FHIT: variants seen among roughly 807,000 people sequenced by gnomAD.
FHIT encodes the protein bis(5'-adenosyl)-triphosphatase.
A neutral mutation model predicts 17.9 loss-of-function variants in FHIT; 19 were observed. That is an observed-to-expected ratio of 1.06 (90% CI 0.74 to 1.56). The LOEUF (loss-of-function observed/expected upper bound fraction) is 1.56. Ranked by LOEUF, FHIT falls within the 40% of genes most tolerant of loss-of-function variation. The pLI is 0.00. For missense variants in FHIT, 248 were observed against 189.2 expected (o/e 1.31, Z -1.82); for synonymous variants, 81 against 69.7 (o/e 1.16, Z -0.81).
chr3:61,130,313 C>A (rs1371094), intron 2 of FHIT, among the ~76,000 whole-genome samples: 24,758 of 152,162 alleles, frequency 0.16, 2,668 homozygotes, highest in Middle Eastern at 0.24. Flanking sequence ...TGTTGTGTTA[C>A]TTATGAGTCC....
chr3:61,203,869 C>T (rs780867821), intron 1 of FHIT, among the ~76,000 whole-genome samples: 1 of 152,210 alleles, frequency 6.6e-6, no homozygotes, highest in Non-Finnish European at 1.5e-5. Context: ...GGCCCTTACA[C>T]ATGTACTCAC....
chr3:60,624,161 G>A (rs572440956), intron 4 of FHIT, among the ~76,000 whole-genome samples: 32 of 152,318 alleles, frequency 2.1e-4, no homozygotes, highest in African/African-American at 7.5e-4. Context: ...AGCCAGTGGT[G>A]TGAAGGCAAA....
At chr3:61,173,456 T>G (rs951301584) in intron 2 of FHIT, among the ~76,000 whole-genome samples, 3 of 152,216 alleles carry the variant, frequency 2.0e-5, no homozygotes, top group African/African-American at 7.2e-5. Flanking sequence ...GTATTTATTA[T>G]TGTTAGAATG....
At chr3:60,093,214 C>T (rs1703803114) in intron 5 of FHIT, among the ~76,000 whole-genome samples, 1 of 152,140 alleles carries the variant, frequency 6.6e-6, no homozygotes, top group African/African-American at 2.4e-5. Context: ...GGTCTAAAAT[C>T]AAGTTGTGCG....
At chr3:60,732,244 C>T in intron 4 of FHIT, 1 of 864,824 alleles carries the variant, frequency 1.2e-6, no homozygotes, top group Non-Finnish European at 2.0e-6. Flanking sequence ...CATGCCTTCA[C>T]CATGCCAAAG....
intron 4 of FHIT, among the ~76,000 whole-genome samples, chr3:60,583,726 G>T (rs1553660558): frequency 6.6e-6 from 1 of 152,052 alleles, no homozygotes; most frequent in African/African-American, 2.4e-5. Context: ...TCCTGAATAA[G>T]GTGTCCTGTA....
chr3:60,536,183 A>C (rs1250437380), intron 5 of FHIT: 1 of 152,154 alleles, frequency 6.6e-6, no homozygotes, highest in Non-Finnish European at 1.5e-5. Context: ...TGTTATTCCC[A>C]CTGCAAAAGA....
At chr3:60,416,829 G>C (rs1189590912) in intron 5 of FHIT, among the ~76,000 whole-genome samples, 1 of 152,122 alleles carries the variant, frequency 6.6e-6, no homozygotes, top group Non-Finnish European at 1.5e-5. Flanking sequence ...GCTGATGCCT[G>C]TAATCCCAGC....
chr3:59,838,165 C>T (rs892313866), intron 8 of FHIT, among the ~76,000 whole-genome samples: 32 of 152,214 alleles, frequency 2.1e-4, no homozygotes, highest in Non-Finnish European at 4.4e-4. Flanking sequence ...AGGCCTTCCT[C>T]GCTCCAGGCT....
chr3:60,721,689 T>G (rs1553708107), intron 4 of FHIT, among the ~76,000 whole-genome samples: 2 of 152,190 alleles, frequency 1.3e-5, no homozygotes, highest in Non-Finnish European at 2.9e-5. Flanking sequence ...TACACTGGCA[T>G]AGTCCTCCCC....
At chr3:59,947,038 G>A (rs1372897597) in intron 7 of FHIT, among the ~76,000 whole-genome samples, 1 of 152,176 alleles carries the variant, frequency 6.6e-6, no homozygotes, top group Non-Finnish European at 1.5e-5. Flanking sequence ...GAAGGAGTTA[G>A]GGAGAAGGTC....
At chr3:60,451,317 C>T (rs991903855) in intron 5 of FHIT, among the ~76,000 whole-genome samples, 1 of 152,108 alleles carries the variant, frequency 6.6e-6, no homozygotes. Context: ...CACCTCCAGC[C>T]TTCCTGGTTC....
At chr3:61,248,010 A>T (rs535454195) in intron 1 of FHIT, among the ~76,000 whole-genome samples, 2 of 152,336 alleles carry the variant, frequency 1.3e-5, no homozygotes, top group East Asian at 3.9e-4. Context: ...CTTACTATAT[A>T]GATCACTTTC....
chr3:61,002,317 G>A (rs2031148610), intron 3 of FHIT, among the ~76,000 whole-genome samples: 1 of 152,224 alleles, frequency 6.6e-6, no homozygotes, highest in African/African-American at 2.4e-5. Flanking sequence ...AAGCTGGAGT[G>A]CAGTGGCCCA....
chr3:60,256,181 C>CCAATTTATG (rs1385154110), intron 5 of FHIT, among the ~76,000 whole-genome samples: 2 of 152,026 alleles, frequency 1.3e-5, no homozygotes, highest in Non-Finnish European at 2.9e-5. Context: ...GTGCCTATTC[C>CCAATTTATG]CAATTTATGC....
At chr3:60,538,799 A>C (rs2036079368) in intron 4 of FHIT, among the ~76,000 whole-genome samples, 1 of 152,244 alleles carries the variant, frequency 6.6e-6, no homozygotes, top group Non-Finnish European at 1.5e-5. Flanking sequence ...TTCAAGATGG[A>C]TTAAAGACTT....
chr3:60,088,893 T>C (rs145456566), intron 5 of FHIT, among the ~76,000 whole-genome samples: 1 of 152,274 alleles, frequency 6.6e-6, no homozygotes, highest in East Asian at 1.9e-4. Context: ...TCAATAAATA[T>C]TTATTAAATG....
chr3:60,214,449 C>T (rs1164399119), intron 5 of FHIT, among the ~76,000 whole-genome samples: 2 of 152,054 alleles, frequency 1.3e-5, no homozygotes, highest in Non-Finnish European at 2.9e-5. Context: ...ATATTTAGGC[C>T]GTGCTTATCA....
At chr3:59,953,645 G>A (rs970597363) in intron 7 of FHIT, among the ~76,000 whole-genome samples, 1 of 152,074 alleles carries the variant, frequency 6.6e-6, no homozygotes, top group South Asian at 2.1e-4. Flanking sequence ...ATTAAGTACT[G>A]TGCTCGGCCT....
Sources: gnomAD v4.1 joint callset for allele counts (sites outside exome capture counted in the v4.1 genomes callset) on GRCh38, gnomAD v4.1.1 for gene constraint, MANE v1.5 for transcripts, NCBI Gene and HGNC (gene_info 2026-07-23, HGNC 2026-07-21) for gene names.